ITGA9: variants seen among roughly 807,000 people sequenced by gnomAD.
ITGA9 encodes integrin subunit alpha 9, also known as integrin alpha-9.
ITGA9 carries 56 observed loss-of-function variants against 127.8 expected under a neutral mutation model. The ratio of observed to expected loss-of-function variants is 0.44; its 90% CI spans 0.35 to 0.55. The LOEUF is 0.55. ITGA9 is among the 20% of genes least tolerant of loss of function. The pLI, the probability that ITGA9 is intolerant of heterozygous loss-of-function variation, is 0.00. For missense variants in ITGA9, 1,196 were observed against 1,347.1 expected (o/e 0.89, Z 1.76); for synonymous variants, 508 against 514.5 (o/e 0.99, Z 0.17).
intron 17 of ITGA9, among the ~76,000 whole-genome samples, chr3:37,661,760 C>G (rs185591572): frequency 5.3e-5 from 8 of 152,362 alleles, no homozygotes; most frequent in Non-Finnish European, 1.0e-4. Context: ...GAGCCCTGCT[C>G]TCCTGCTGTG....
chr3:37,538,155 T>A (rs267542), intron 14 of ITGA9, among the ~76,000 whole-genome samples: 80,434 of 152,140 alleles, frequency 0.53, 21,623 homozygotes, highest in East Asian at 0.73. Context: ...TTTTGCACTC[T>A]GACCCAGTGC....
chr3:37,482,964 C>T (rs1321251630), intron 4 of ITGA9, among the ~76,000 whole-genome samples: 1 of 152,128 alleles, frequency 6.6e-6, no homozygotes, highest in African/African-American at 2.4e-5. Context: ...TCGTTGGTTT[C>T]AGAAACGCAA....
chr3:37,636,634 T>G (rs1164687298), intron 16 of ITGA9, among the ~76,000 whole-genome samples: 11 of 152,342 alleles, frequency 7.2e-5, no homozygotes, highest in Non-Finnish European at 4.4e-5. Context: ...CTCTTTAGTT[T>G]AATTAGATCC....
intron 15 of ITGA9, among the ~76,000 whole-genome samples, chr3:37,578,421 G>A (rs111436255): frequency 1.3e-5 from 2 of 152,152 alleles, no homozygotes; most frequent in Non-Finnish European, 2.9e-5. Context: ...GGTGGGAAAC[G>A]TAAAGGCCAG....
intron 15 of ITGA9, among the ~76,000 whole-genome samples, chr3:37,559,472 T>C (rs545148965): frequency 6.6e-6 from 1 of 152,276 alleles, no homozygotes; most frequent in East Asian, 1.9e-4. Flanking sequence ...CACTGAAAAA[T>C]ACGCAAATGC....
chr3:37,540,807 G>A (rs1699258242), intron 14 of ITGA9, among the ~76,000 whole-genome samples: 1 of 152,210 alleles, frequency 6.6e-6, no homozygotes, highest in Admixed American at 6.5e-5. Context: ...CTGTGTGGGA[G>A]CACTTTCCTG....
chr3:37,686,375 C>T (rs991485468), intron 18 of ITGA9, among the ~76,000 whole-genome samples: 1 of 152,112 alleles, frequency 6.6e-6, no homozygotes, highest in Non-Finnish European at 1.5e-5. Context: ...GCAGAATTGT[C>T]CCCCCTTGAA....
intron 27 of ITGA9, chr3:37,818,251 C>CTTTTTTTTTTT (rs1165189273): frequency 8.8e-5 from 5 of 57,022 alleles, no homozygotes; most frequent in African/African-American, 2.4e-4. Flanking sequence ...ACCATGAAAC[C>CTTTTTTTTTTT]TTTTTTTTTT....
intron 15 of ITGA9, among the ~76,000 whole-genome samples, chr3:37,619,349 T>G (rs940716685): frequency 2.0e-5 from 3 of 152,216 alleles, no homozygotes; most frequent in Non-Finnish European, 4.4e-5. Context: ...GTATCTTGGA[T>G]TTCAGAAGCA....
chr3:37,452,560 G>A lies in ITGA9; in HGVS notation c.185+1G>A. 1 of 1,516,788 alleles carries A rather than the reference G, an allele frequency of 6.6e-7. No homozygotes were observed. The highest frequency in any genetic ancestry group is 8.8e-7 in the Non-Finnish European group (1 of 1,131,502). 94.0% of individuals were successfully genotyped at this position (1,516,788 alleles called of 1,614,324 possible). A position where few individuals can be genotyped will look rare whatever the true frequency, so the allele number is the denominator to read the frequency against. On this transcript the variant is annotated splice_donor_variant, in intron 1 of 27. Transcript: ENST00000264741. LOFTEE classifies it high-confidence loss of function. This position sits in a 1 kb window ranked among gnomAD's most constrained non-coding sequence, Gnocchi z 7.3. Reference sequence around the variant, plus strand: ...AGCATTTCCACGACAACACGCGCTGGTGAGTGCCCGCCCGACTCCGCGACC... The same window carrying A: ...AGCATTTCCACGACAACACGCGCTGATGAGTGCCCGCCCGACTCCGCGACC...
intron 13 of ITGA9, among the ~76,000 whole-genome samples, chr3:37,529,228 G>A (rs1443658970): frequency 1.3e-5 from 2 of 152,208 alleles, no homozygotes; most frequent in African/African-American, 2.4e-5. Flanking sequence ...TTTTATGGGT[G>A]AGGAGACCAA....
intron 17 of ITGA9, among the ~76,000 whole-genome samples, chr3:37,665,559 C>A (rs1321604639): frequency 6.6e-6 from 1 of 151,892 alleles, no homozygotes; most frequent in Non-Finnish European, 1.5e-5. Context: ...CAGTGATTCT[C>A]CTGCCTCACT....
At chr3:37,582,494 T>A (rs1472069970) in intron 15 of ITGA9, among the ~76,000 whole-genome samples, 1 of 152,216 alleles carries the variant, frequency 6.6e-6, no homozygotes, top group African/African-American at 2.4e-5. Flanking sequence ...TCCAACCCCA[T>A]TCCAAATTTC....
chr3:37,502,779 C>T (rs1698800269), intron 5 of ITGA9, among the ~76,000 whole-genome samples: 1 of 152,140 alleles, frequency 6.6e-6, no homozygotes, highest in African/African-American at 2.4e-5. Context: ...GCCTGGAGTC[C>T]AGGCAGGGTG....
intron 20 of ITGA9, among the ~76,000 whole-genome samples, chr3:37,737,736 C>T (rs1203543543): frequency 6.6e-6 from 1 of 152,182 alleles, no homozygotes; most frequent in Non-Finnish European, 1.5e-5. Flanking sequence ...GGTGGTTGGA[C>T]ACCCAAGGCA....
chr3:37,546,633 G>C lies in ITGA9; in HGVS notation c.1689+4048G>C, dbSNP rs191594444. 5.0e-4 allele frequency among the ~76,000 whole-genome samples: 76 copies of C among 152,298 alleles called. 1 individual carries two copies. In the Middle Eastern group the frequency reaches 0.031, roughly 61 times the overall value. On this transcript the variant is annotated intron_variant, in intron 15 of 27. Coordinates refer to ENST00000264741, the MANE Select transcript of ITGA9 (RefSeq NM_002207.3). ...GACTTCTTGGAGCTTGTTCCATGCT[G>C]CCTGACTCCTGCTTTGGGGATACTT...
At chr3:37,661,285 C>T (rs1700530614) in intron 17 of ITGA9, among the ~76,000 whole-genome samples, 1 of 152,182 alleles carries the variant, frequency 6.6e-6, no homozygotes, top group South Asian at 2.1e-4. Context: ...ATTTTCTGAA[C>T]CTCAGAAACA....
chr3:37,459,200 A>G (rs1419135022), intron 1 of ITGA9, among the ~76,000 whole-genome samples: 7 of 152,384 alleles, frequency 4.6e-5, no homozygotes, highest in Middle Eastern at 3.4e-3. Flanking sequence ...GTCAAGTGCT[A>G]TCTACATTGG....
intron 18 of ITGA9, among the ~76,000 whole-genome samples, chr3:37,706,605 A>T (rs1478840795): frequency 1.3e-5 from 2 of 152,168 alleles, no homozygotes; most frequent in Non-Finnish European, 2.9e-5. Context: ...CTCCAATCCC[A>T]GGTTGTTAAG....
Sources: gnomAD v4.1 joint callset for allele counts (sites outside exome capture counted in the v4.1 genomes callset) on GRCh38, gnomAD v4.1.1 for gene constraint, Gnocchi (gnomAD v3.1) non-coding constraint, MANE v1.5 for transcripts, NCBI Gene and HGNC (gene_info 2026-07-23, HGNC 2026-07-21) for gene names.